CLDN10: variants seen among roughly 807,000 people sequenced by gnomAD.
The protein encoded by CLDN10 is claudin-10.
A neutral mutation model predicts 22.9 loss-of-function variants in CLDN10; 15 were observed. That is an observed-to-expected ratio of 0.65 (90% CI 0.44 to 1.01). The LOEUF (loss-of-function observed/expected upper bound fraction) is 1.01, where lower values mean the gene tolerates loss of function less well. Among genes scored for constraint, CLDN10 ranks in the 50% least tolerant of loss-of-function variants. The pLI is 0.00. For missense variants in CLDN10, 247 were observed against 287.8 expected (o/e 0.86, Z 1.03); for synonymous variants, 114 against 111.4 (o/e 1.02, Z -0.15).
intron 1 of CLDN10, among the ~76,000 whole-genome samples, chr13:95,481,131 A>C (rs779044894): frequency 1.3e-5 from 2 of 152,238 alleles, no homozygotes; most frequent in African/African-American, 2.4e-5. Context: ...GGAAGCTGGC[A>C]TTGACCCTGG....
At chr13:95,446,309 C>T (rs184223841) in intron 1 of CLDN10, among the ~76,000 whole-genome samples, 1 of 152,150 alleles carries the variant, frequency 6.6e-6, no homozygotes, top group Non-Finnish European at 1.5e-5. Context: ...ATTCTGTGCA[C>T]ATGTGCAAAT....
chr13:95,486,938 A>G (rs1376250054), intron 1 of CLDN10, among the ~76,000 whole-genome samples: 2 of 152,192 alleles, frequency 1.3e-5, no homozygotes, highest in East Asian at 3.8e-4. Flanking sequence ...TTGGTGGAGA[A>G]AAGAGGTGAA....
At chr13:95,515,067 T>C (rs887598611) in intron 1 of CLDN10, among the ~76,000 whole-genome samples, 2 of 152,186 alleles carry the variant, frequency 1.3e-5, no homozygotes, top group Non-Finnish European at 2.9e-5. Context: ...ATTCACAGAC[T>C]TGATCATAGC....
At chr13:95,488,184 C>T (rs2042826326) in intron 1 of CLDN10, among the ~76,000 whole-genome samples, 2 of 149,112 alleles carry the variant, frequency 1.3e-5, no homozygotes, top group South Asian at 4.3e-4. Flanking sequence ...AGGGTTTTAC[C>T]GTCTTAGCCA....
intron 1 of CLDN10, among the ~76,000 whole-genome samples, chr13:95,554,867 T>C (rs938604169): frequency 2.0e-5 from 3 of 152,182 alleles, no homozygotes; most frequent in African/African-American, 7.2e-5. Flanking sequence ...GAAAATCTTA[T>C]ATTCACCTCT....
intron 1 of CLDN10, among the ~76,000 whole-genome samples, chr13:95,502,789 G>A (rs1453459907): frequency 6.6e-6 from 1 of 152,190 alleles, no homozygotes; most frequent in East Asian, 1.9e-4. Context: ...CCAAAGTGCT[G>A]GGACTACAGG....
chr13:95,436,873 T>C (rs527863149), intron 1 of CLDN10, among the ~76,000 whole-genome samples: 8 of 152,148 alleles, frequency 5.3e-5, no homozygotes, highest in Non-Finnish European at 1.0e-4. Flanking sequence ...ATCACAATAA[T>C]TATAAATTGA....
chr13:95,463,353 G>C (rs2042555317), intron 1 of CLDN10, among the ~76,000 whole-genome samples: 1 of 61,096 alleles, frequency 1.6e-5, no homozygotes, highest in African/African-American at 6.3e-5. Flanking sequence ...TTTTTTTTGA[G>C]ACAGAGTCTC....
chr13:95,491,432 T>A (rs574884727), intron 1 of CLDN10, among the ~76,000 whole-genome samples: 2 of 152,040 alleles, frequency 1.3e-5, no homozygotes, highest in Non-Finnish European at 2.9e-5. Flanking sequence ...AATTTCTTTC[T>A]TCTGCTTGTT....
intron 1 of CLDN10, among the ~76,000 whole-genome samples, chr13:95,449,739 ATT>A (rs59868615): frequency 2.4e-3 from 314 of 132,780 alleles, no homozygotes; most frequent in African/African-American, 7.6e-3. Context: ...TAATTTTTAA[ATT>A]TTTTTTTTTT....
At chr13:95,508,079 C>A (rs2043057471) in intron 1 of CLDN10, among the ~76,000 whole-genome samples, 1 of 151,840 alleles carries the variant, frequency 6.6e-6, no homozygotes, top group Non-Finnish European at 1.5e-5. Flanking sequence ...CAGAGCATGA[C>A]CCTGTCTTAA....
At chr13:95,571,229 A>AAT (rs1215000585) in intron 3 of CLDN10, among the ~76,000 whole-genome samples, 5 of 152,072 alleles carry the variant, frequency 3.3e-5, no homozygotes, top group African/African-American at 1.2e-4. Context: ...GAACTACCCT[A>AAT]ATGAAAATCA....
chr13:95,544,940 C>A (rs780985930), intron 1 of CLDN10, among the ~76,000 whole-genome samples: 22 of 151,750 alleles, frequency 1.4e-4, no homozygotes, highest in Non-Finnish European at 3.1e-4. Context: ...CCACACCCAG[C>A]TAGTTTTTTG....
At chr13:95,563,627 G>A (rs944162720) in intron 3 of CLDN10, among the ~76,000 whole-genome samples, 3 of 152,142 alleles carry the variant, frequency 2.0e-5, no homozygotes, top group Admixed American at 2.0e-4. Context: ...CACAAAGAAA[G>A]GTCCTCCATG....
intron 1 of CLDN10, among the ~76,000 whole-genome samples, chr13:95,472,486 A>G (rs1235220630): frequency 6.6e-6 from 1 of 151,970 alleles, no homozygotes; most frequent in Non-Finnish European, 1.5e-5. Flanking sequence ...GTTTGAGACC[A>G]GTGTGTCCAA....
chr13:95,436,243 G>T (rs1324845634), intron 1 of CLDN10, among the ~76,000 whole-genome samples: 1 of 152,076 alleles, frequency 6.6e-6, no homozygotes, highest in East Asian at 1.9e-4. Context: ...GAGTGCAGTG[G>T]TACAATCTCA....
intron 3 of CLDN10, among the ~76,000 whole-genome samples, chr13:95,563,205 GA>G (rs1350718792): frequency 1.4e-5 from 2 of 138,218 alleles, no homozygotes; most frequent in Non-Finnish European, 3.3e-5. Flanking sequence ...TGAGAGTTAA[GA>G]GAGGAGAGAG....
At chr13:95,524,895 T>C (rs1309934752) in intron 1 of CLDN10, among the ~76,000 whole-genome samples, 4 of 151,790 alleles carry the variant, frequency 2.6e-5, no homozygotes, top group Non-Finnish European at 5.9e-5. Context: ...GTTTCACTCT[T>C]GTTGCCCAGG....
At chr13:95,510,495 G>A (rs544061670) in intron 1 of CLDN10, among the ~76,000 whole-genome samples, 4 of 152,146 alleles carry the variant, frequency 2.6e-5, no homozygotes, top group South Asian at 2.1e-4. Context: ...CTGTTTTCCC[G>A]GGTTAATGGT....
Sources: allele counts gnomAD v4.1 joint callset (sites outside exome capture counted in the v4.1 genomes callset), GRCh38; gene constraint gnomAD v4.1.1; transcripts MANE v1.5; gene names NCBI Gene and HGNC (gene_info 2026-07-23, HGNC 2026-07-21).